The following RARB variants were observed in gnomAD, a reference collection of about 807,000 sequenced individuals.
RARB encodes HBV-activated protein.
A neutral mutation model predicts 51.9 loss-of-function variants in RARB; 17 were observed. The observed-to-expected ratio is 0.33, with a 90% CI of 0.22 to 0.49. The LOEUF is 0.49. Among genes scored for constraint, RARB ranks in the 20% least tolerant of loss-of-function variants. The pLI is 0.99. For synonymous variants in RARB, 215 were observed against 195.4 expected (o/e 1.10, Z -0.84); for missense variants, 369 against 550.8 (o/e 0.67, Z 3.30).
intron 3 of RARB, among the ~76,000 whole-genome samples, chr3:25,124,997 T>G (rs1434233035): frequency 1.3e-5 from 2 of 152,236 alleles, no homozygotes; most frequent in Non-Finnish European, 2.9e-5. Flanking sequence ...CTTAACTGTT[T>G]AGCAACTGAT....
chr3:25,575,043 G>A (rs967201443), intron 4 of RARB, among the ~76,000 whole-genome samples: 2 of 152,092 alleles, frequency 1.3e-5, no homozygotes, highest in Non-Finnish European at 2.9e-5. Context: ...ACCCAGCAGC[G>A]GTCCCCAACC....
intron 5 of RARB, among the ~76,000 whole-genome samples, chr3:25,241,144 T>C (rs1238153935): frequency 2.0e-5 from 3 of 152,188 alleles, no homozygotes. Flanking sequence ...TCTGATGACC[T>C]TCTCCATTTC....
chr3:25,247,216 G>A (rs1416278529), intron 5 of RARB, among the ~76,000 whole-genome samples: 2 of 152,214 alleles, frequency 1.3e-5, no homozygotes, highest in African/African-American at 2.4e-5. Flanking sequence ...TTCTGTGCTA[G>A]CAGCAAGATA....
intron 3 of RARB, among the ~76,000 whole-genome samples, chr3:25,096,815 A>C (rs1289743096): frequency 1.3e-5 from 2 of 152,132 alleles, no homozygotes; most frequent in Non-Finnish European, 2.9e-5. Context: ...CAGACATGAC[A>C]TTGTCAAAGG....
At position 25,594,698 on chromosome 3, in the gene RARB, G is replaced by GT; in HGVS notation, c.1150+21dup. 6.3e-7 allele frequency: 1 copy of GT among 1,578,590 alleles called. No homozygotes were observed. Among genetic ancestry groups the GT allele is most frequent in the Non-Finnish European group, 8.6e-7 (1 of 1,164,444 alleles). ...CTAAAGGTATGTCTTCGTGCTCTCA[G>GT]TACTGTAGTCACACAGTGGACTTGA... On this transcript the variant is annotated intron_variant, in intron 7 of 7. Coordinates refer to ENST00000330688, the MANE Select transcript of RARB (RefSeq NM_000965.5).
chr3:25,133,948 G>A (rs1208497726), intron 4 of RARB, among the ~76,000 whole-genome samples: 2 of 144,144 alleles, frequency 1.4e-5, no homozygotes, highest in African/African-American at 5.1e-5. Context: ...ATTTCCTGGA[G>A]AGTACTGTTT....
chr3:24,858,403 G>A (rs1702673684), intron 1 of RARB, among the ~76,000 whole-genome samples: 1 of 152,134 alleles, frequency 6.6e-6, no homozygotes, highest in African/African-American at 2.4e-5. Context: ...CCACCCCTGA[G>A]CCCAGTTAAT....
intron 5 of RARB, among the ~76,000 whole-genome samples, chr3:25,287,578 A>G (rs1703687163): frequency 6.6e-6 from 1 of 152,202 alleles, no homozygotes; most frequent in Non-Finnish European, 1.5e-5. Context: ...GTATTGGGCC[A>G]AGCAGGCTTC....
rs151112652 is a variant in RARB, at chr3:25,480,163, C to T, written c.306+18822C>T. ...GCCTGGGTTCAAATCTTGGCTCCAT[C>T]GTTTGGACAAACCACTGAAATCCAG... On this transcript the variant is annotated intron_variant, in intron 2 of 7. Coordinates refer to ENST00000330688, the MANE Select transcript of RARB (RefSeq NM_000965.5). Among the ~76,000 whole-genome samples, 244 of 152,280 alleles carry T rather than the reference C, an allele frequency of 1.6e-3. 1 individual carries two copies. The highest frequency in any genetic ancestry group is 5.4e-3 in the African/African-American group (226 of 41,580).
At chr3:25,310,822 C>G (rs896392528) in intron 5 of RARB, among the ~76,000 whole-genome samples, 10 of 152,148 alleles carry the variant, frequency 6.6e-5, no homozygotes, top group African/African-American at 2.4e-4. Flanking sequence ...TCAGGCAGTG[C>G]CCGTGTCAGT....
intron 5 of RARB, among the ~76,000 whole-genome samples, chr3:25,230,473 G>T (rs1238689026): frequency 6.6e-6 from 1 of 151,850 alleles, no homozygotes; most frequent in South Asian, 2.1e-4. Context: ...AACATAAATT[G>T]TTACTCAACC....
At position 25,288,219 on chromosome 3, in the gene RARB, C is replaced by T. The variant is rs1703702817; in HGVS notation, c.178+113644C>T. On this transcript the variant is annotated intron_variant, in intron 5 of 11. Transcript: ENST00000383772. The stretch of plus-strand genomic sequence containing the variant: ...CATTTAGCAGTAAATTTTGTTTGCA[C>T]TGTAGCCTTAGTCTGGAGAGAAAGG... Among the ~76,000 whole-genome samples the T allele has an allele frequency of 3.3e-5, 5 of 152,204 alleles. 1 individual carries two copies. In the South Asian group the frequency reaches 1.0e-3, roughly 32 times the overall value.
chr3:25,446,381 A>G (rs1708930902), intron 1 of RARB, among the ~76,000 whole-genome samples: 1 of 152,206 alleles, frequency 6.6e-6, no homozygotes, highest in South Asian at 2.1e-4. Context: ...ATACATTTAC[A>G]TTTTGTCTGT....
At chr3:24,905,115 T>C (rs1358349339) in intron 2 of RARB, among the ~76,000 whole-genome samples, 1 of 152,102 alleles carries the variant, frequency 6.6e-6, no homozygotes, top group African/African-American at 2.4e-5. Flanking sequence ...TGCACATGTA[T>C]CCCAGAACTT....
chr3:25,310,024 G>A (rs1182657919), intron 5 of RARB, among the ~76,000 whole-genome samples: 1 of 152,190 alleles, frequency 6.6e-6, no homozygotes, highest in African/African-American at 2.4e-5. Flanking sequence ...TGGTAGTATT[G>A]TCCTTGCTGG....
intron 3 of RARB, among the ~76,000 whole-genome samples, chr3:25,502,500 G>A (rs1181155936): frequency 6.6e-6 from 1 of 152,056 alleles, no homozygotes; most frequent in Non-Finnish European, 1.5e-5. Flanking sequence ...TTTCCTAACT[G>A]TACTCCTGCC....
At chr3:25,141,674 C>T (rs1331656042) in intron 4 of RARB, among the ~76,000 whole-genome samples, 5 of 152,166 alleles carry the variant, frequency 3.3e-5, no homozygotes, top group African/African-American at 7.2e-5. Flanking sequence ...TGGCTTTCTG[C>T]ACCTGTATAT....
intron 5 of RARB, among the ~76,000 whole-genome samples, chr3:25,315,278 C>G (rs749068591): frequency 2.5e-4 from 38 of 152,188 alleles, no homozygotes; most frequent in Admixed American, 4.6e-4. Flanking sequence ...CTCCCCCTAA[C>G]CAGTCCCTAG....
At chr3:25,117,810 C>T (rs146993663) in intron 3 of RARB, among the ~76,000 whole-genome samples, 123 of 152,204 alleles carry the variant, frequency 8.1e-4, no homozygotes, top group African/African-American at 2.9e-3. Context: ...AAATTAATTA[C>T]TTATTTCTAT....
Sources: allele counts gnomAD v4.1 joint callset (sites outside exome capture counted in the v4.1 genomes callset), GRCh38; gene constraint gnomAD v4.1.1; transcripts MANE v1.5; gene names NCBI Gene and HGNC (gene_info 2026-07-23, HGNC 2026-07-21).